The following TFRC variants were observed in gnomAD, a reference collection of about 807,000 sequenced individuals.
The protein encoded by TFRC is transferrin receptor protein 1.
Under a neutral mutation model 85.8 loss-of-function variants are expected in TFRC, and 35 were observed. The ratio of observed to expected loss-of-function variants is 0.41; its 90% confidence interval spans 0.31 to 0.54. TFRC has a LOEUF of 0.54. Among genes scored for constraint, TFRC ranks in the 20% least tolerant of loss-of-function variants. TFRC has a pLI of 0.31. For missense variants in TFRC, 828 were observed against 921.5 expected, an observed-to-expected ratio of 0.90 and a Z score of 1.31; for synonymous variants, 362 against 328.6, an observed-to-expected ratio of 1.10 and a Z score of -1.10.
intron 4 of TFRC, among the ~76,000 whole-genome samples, chr3:196,072,516 G>A (rs1309299751): frequency 6.6e-6 from 1 of 152,122 alleles, no homozygotes; most frequent in Non-Finnish European, 1.5e-5. Context: ...ACCTACTTGT[G>A]AAGCATCTGA....
chr3:196,067,917 C>A, intron 8 of TFRC, 115 bp downstream of exon 8: 2 of 852,790 alleles, frequency 2.3e-6, no homozygotes, highest in Non-Finnish European at 3.6e-6. Context: ...TTACTGCTAA[C>A]GCCCTCCCAG....
rs976426952 is a variant in TFRC at position 196,073,922 on chromosome 3, G to A, written c.434+8C>T. ...TGTCTAGATACTTGCACAGCAGCTGGCACTCACTTGATGGTGCCGGTGAAG... is the reference window on the plus strand; with the variant it reads ...TGTCTAGATACTTGCACAGCAGCTGACACTCACTTGATGGTGCCGGTGAAG... On this transcript the variant is annotated splice_region_variant and intron_variant, in intron 4 of 18. Transcript: ENST00000360110. 6.2e-7 allele frequency: 1 copy of A among 1,608,168 alleles called. No individual in the cohort carries two copies.
intron 18 of TFRC, 107 bp from the exon 19 acceptor site, chr3:196,052,291 ACTTT>A (rs1716389598): frequency 1.8e-5 from 16 of 883,402 alleles, no homozygotes; most frequent in Non-Finnish European, 2.3e-5. Flanking sequence ...TGCCGATCAG[ACTTT>A]TTTTTTTTTT....
chr3:196,051,064 T>C lies in TFRC; in HGVS notation c.*878A>G. ...AACTCTGTCACTGATAAATAAACAATAAATATCTCAGTGCCAAAAGGACAG... is the reference window on the plus strand; with the variant it reads ...AACTCTGTCACTGATAAATAAACAACAAATATCTCAGTGCCAAAAGGACAG... On this transcript the variant is annotated 3_prime_UTR_variant, in exon 19 of 19. Transcript: ENST00000360110. 4.7e-6 allele frequency: 1 copy of C among 211,750 alleles called. No homozygotes were observed. Among genetic ancestry groups the C allele is most frequent in the East Asian group, 7.1e-5 (1 of 14,016 alleles). The allele number at this position is 211,750 out of a possible 1,614,324, so 13.1% of individuals were successfully genotyped here.
chr3:196,051,939 C>A lies in TFRC; in HGVS notation c.*3G>T, dbSNP rs768055640. ...GTTCTCATGGAAGCTATGGGTATCA[C>A]ATTTAAAACTCATTGTCAATGTCCC... is the stretch of plus-strand genomic sequence containing the variant. On this transcript the variant is annotated 3_prime_UTR_variant, in exon 19 of 19. Transcript: ENST00000360110. The A allele has an allele frequency of 6.2e-7, 1 of 1,614,036 alleles. No individual in the cohort carries two copies. Among genetic ancestry groups the A allele is most frequent in the Non-Finnish European group, 8.5e-7 (1 of 1,179,950 alleles).
rs185772510 is a variant in TFRC at position 196,069,336 on chromosome 3, G to C, written c.801+119C>G. 10 of 659,498 alleles carry C rather than the reference G, an allele frequency of 1.5e-5. No homozygotes were observed. In the Admixed American group the frequency reaches 2.5e-4, roughly 16 times the overall value. The allele number at this position is 659,498 out of a possible 1,614,324, so 40.9% of individuals were successfully genotyped here. The stretch of plus-strand genomic sequence containing the variant: ...GCATTTTAATAAATTATATTATCTG[G>C]TATGAGAGTTTAAGATTGCTGATTT... On this transcript the variant is annotated intron_variant, in intron 7 of 18. Coordinates refer to ENST00000360110, the MANE Select transcript of TFRC (RefSeq NM_001128148.3).
intron 6 of TFRC, among the ~76,000 whole-genome samples, chr3:196,070,774 A>AATAATAATAATAAT (rs1718122381): frequency 4.4e-5 from 6 of 135,784 alleles, no homozygotes; most frequent in Non-Finnish European, 9.4e-5. Context: ...TGTCTCTACC[A>AATAATAATAATAAT]AATAATAATA....
rs942578680 is a variant in TFRC at position 196,060,691 on chromosome 3, G to A, written c.1469-444C>T. ...CGGGCACCTGTAGTCCCAGCTACTC[G>A]GGAGGCTGAGGCAGGAGAATGGCAT... On this transcript the variant is annotated intron_variant, in intron 13 of 18. Transcript: ENST00000360110. 3.9e-5 allele frequency: 6 copies of A among 153,762 alleles called. 1 individual carries two copies. The South Asian group carries it at 1.2e-3, about 30-fold the overall frequency. 9.5% of individuals were successfully genotyped at this position (153,762 alleles called of 1,614,324 possible).
chr3:196,065,733 T>G lies in TFRC; in HGVS notation c.1041-133A>C, dbSNP rs1341871412. The G allele has an allele frequency of 4.3e-6, 4 of 928,608 alleles. No individual in the cohort carries two copies. The Admixed American group carries it at 1.3e-4, about 31-fold the overall frequency. The allele number at this position is 928,608 out of a possible 1,614,324, so 57.5% of individuals were successfully genotyped here. On this transcript the variant is annotated intron_variant, in intron 9 of 18. Coordinates refer to ENST00000360110, the MANE Select transcript of TFRC (RefSeq NM_001128148.3). ...TCAGCCCGGCGAAGTGGCTCACCCC[T>G]GTAATCCCAGCACTTTGGGAGGCTG...
At chr3:196,063,190 A>C (rs1717432605) in intron 11 of TFRC, 1 of 387,964 alleles carries the variant, frequency 2.6e-6, no homozygotes, top group Non-Finnish European at 4.7e-6. Context: ...ATCTGCAAAT[A>C]AGATTTTGAG....
intron 3 of TFRC, 61 bp downstream of exon 3, chr3:196,075,098 C>CA: frequency 8.9e-7 from 1 of 1,121,588 alleles, no homozygotes; most frequent in South Asian, 1.2e-5. Context: ...GCTGAGCTGA[C>CA]ATAACAGACT....
chr3:196,052,038 C>A lies in TFRC; in HGVS notation c.2187G>T (p.Thr729=), dbSNP rs776066581. 1 of 1,614,010 alleles carries A rather than the reference C, an allele frequency of 6.2e-7. No homozygotes were observed. Among genetic ancestry groups the A allele is most frequent in the Non-Finnish European group, 8.5e-7 (1 of 1,180,032 alleles). The change falls in exon 19 of 19, where the codon ACG becomes ACT. Residue 729 remains threonine (T), a synonymous_variant. Coordinates refer to ENST00000360110, the MANE Select transcript of TFRC (RefSeq NM_001128148.3). The part of the protein sequence containing the change: ...RKQNNGAFNE[T]LFRNQLALAT... ...CTAGAGCCAACTGGTTTCTGAACAG[C>A]GTTTCATTAAAAGCACCGTTATTTT...
At chr3:196,060,765 T>G (rs559990649) in intron 13 of TFRC, among the ~76,000 whole-genome samples, 1 of 115,506 alleles carries the variant, frequency 8.7e-6, no homozygotes, top group Non-Finnish European at 1.6e-5. Flanking sequence ...GCCACTGCAC[T>G]CCAGCCTGGG....
chr3:196,072,489 G>A (rs1244615965), intron 4 of TFRC, among the ~76,000 whole-genome samples: 1 of 152,144 alleles, frequency 6.6e-6, no homozygotes, highest in East Asian at 1.9e-4. Flanking sequence ...TGAACAGAGT[G>A]CATAGTTTCA....
rs1716303562 is a variant in TFRC, at chr3:196,051,503, T to C, written c.*439A>G. 2 of 227,054 alleles carry C rather than the reference T, an allele frequency of 8.8e-6. No individual in the cohort carries two copies. The highest frequency in any genetic ancestry group is 1.8e-5 in the Non-Finnish European group (2 of 114,016). 14.1% of individuals were successfully genotyped at this position (227,054 alleles called of 1,614,324 possible). On this transcript the variant is annotated 3_prime_UTR_variant, in exon 19 of 19. Transcript: ENST00000360110. ...CCTTATGGAAAGGCTTAGATCTCAT[T>C]TGGAGAAGGTCTTTCAACCTGGTAT...
chr3:196,069,852 G>A (rs1272772204), intron 6 of TFRC, among the ~76,000 whole-genome samples: 1 of 152,158 alleles, frequency 6.6e-6, no homozygotes, highest in Non-Finnish European at 1.5e-5. Context: ...TATGTAGGCT[G>A]GTCATGGGAC....
Position 196,075,057 on chromosome 3 carries a change from AAAAAAAAAAT to A in TFRC, c.238+92_238+101del, listed in dbSNP as rs1302094767. 6.4e-3 allele frequency: 4,518 copies of A among 702,708 alleles called. 38 individuals are homozygous for A. Among genetic ancestry groups the A allele is most frequent in the Middle Eastern group, 9.4e-3 (20 of 2,124 alleles). 43.5% of individuals were successfully genotyped at this position (702,708 alleles called of 1,614,324 possible). ...TAAGCCTCTGTCTCCAAAAAAAAAA[AAAAAAAAAAT>A]AAGGTACAAAATAACTATATGCTGA... On this transcript the variant is annotated intron_variant, in intron 3 of 18. Transcript: ENST00000360110.
intron 9 of TFRC, among the ~76,000 whole-genome samples, chr3:196,066,097 C>T (rs1717719862): frequency 6.6e-6 from 1 of 150,420 alleles, no homozygotes; most frequent in African/African-American, 2.4e-5. Flanking sequence ...AATTGGAAAC[C>T]ATTAATTAAG....
chr3:196,079,927 G>A (rs1011255907), intron 1 of TFRC, among the ~76,000 whole-genome samples: 4 of 152,148 alleles, frequency 2.6e-5, no homozygotes, highest in Non-Finnish European at 5.9e-5. Flanking sequence ...TTCTCTGACT[G>A]ACTTCCCTAT....
Sources: gnomAD v4.1 joint callset for allele counts (sites outside exome capture counted in the v4.1 genomes callset) on GRCh38, gnomAD v4.1.1 for gene constraint, MANE v1.5 for transcripts, NCBI Gene and HGNC (gene_info 2026-07-23, HGNC 2026-07-21) for gene names.